KCNQ2: variants seen among roughly 807,000 people sequenced by gnomAD.
KCNQ2 encodes potassium voltage-gated channel subfamily Q member 2, also known as potassium voltage-gated channel subfamily KQT member 2.
In KCNQ2, 14 loss-of-function variants were observed where a neutral mutation model predicts 84.8. The observed-to-expected ratio is 0.17, with a 90% CI of 0.11 to 0.26. The LOEUF is 0.26. KCNQ2 is among the 10% of genes least tolerant of loss of function. The pLI, the probability that KCNQ2 is intolerant of heterozygous loss-of-function variation, is 1.00. For synonymous variants in KCNQ2, 599 were observed against 554.1 expected (o/e 1.08, Z -1.14); for missense variants, 788 against 1,254.0 (o/e 0.63, Z 5.61).
At chr20:63,411,704 G>C in intron 15 of KCNQ2, 2 of 566,842 alleles carry the variant, frequency 3.5e-6, no homozygotes, top group South Asian at 4.5e-5. Flanking sequence ...ACAAGGTGCT[G>C]CCGTCATGTG....
At chr20:63,468,805 C>A (rs1413677073) in intron 1 of KCNQ2, among the ~76,000 whole-genome samples, 1 of 152,230 alleles carries the variant, frequency 6.6e-6, no homozygotes, top group East Asian at 1.9e-4. Context: ...GGCCACTCCA[C>A]GTGGCTGGGC....
At chr20:63,466,223 A>G (rs1036652250) in intron 1 of KCNQ2, among the ~76,000 whole-genome samples, 7 of 151,982 alleles carry the variant, frequency 4.6e-5, no homozygotes, top group Admixed American at 4.6e-4. Flanking sequence ...CCGGTCCCAC[A>G]CGACAAACAG....
intron 1 of KCNQ2, among the ~76,000 whole-genome samples, chr20:63,457,062 C>T (rs1284916293): frequency 1.3e-5 from 2 of 152,362 alleles, no homozygotes; most frequent in East Asian, 3.9e-4. Context: ...GCTCTGTTTC[C>T]AGGACACACG....
chr20:63,417,004 G>A (rs1334408190), intron 12 of KCNQ2, among the ~76,000 whole-genome samples: 5 of 152,192 alleles, frequency 3.3e-5, no homozygotes, highest in African/African-American at 4.8e-5. Context: ...CGGAGTGGCC[G>A]AGATCCCCCG....
Position 63,407,456 on chromosome 20 carries a change from G to C in KCNQ2, c.1888-81C>G. On this transcript the variant is annotated intron_variant, in intron 16 of 16. Transcript: ENST00000359125. This position sits in a 1 kb window ranked among gnomAD's most constrained non-coding sequence, Gnocchi z 7.2. ...ACCCAGGCTGCTCCCAGGAAATGGG[G>C]GGGCCCAGGCTGGTTCCAGGAAACA... 1 of 1,501,694 alleles carries C rather than the reference G, an allele frequency of 6.7e-7. No homozygotes were observed. The highest frequency in any genetic ancestry group is 1.2e-5 in the South Asian group (1 of 85,544). The allele number at this position is 1,501,694 out of a possible 1,614,324, so 93.0% of individuals were successfully genotyped here. A position where few individuals can be genotyped will look rare whatever the true frequency, so the allele number is the denominator to read the frequency against.
chr20:63,431,356 T>C lies in KCNQ2; in HGVS notation c.1132A>G (p.Thr378Ala). ...TVPMYSSQTQ[T>A]YGASRLIPPL... Reference sequence around the variant, plus strand: ...ATTTCCTACCTGGAGGCCCCGTAGGTTTGAGTTTGCGAACTTTCAAGTGTT... The same window carrying C: ...ATTTCCTACCTGGAGGCCCCGTAGGCTTGAGTTTGCGAACTTTCAAGTGTT... The change falls in exon 9 of 17, where the codon ACC (threonine) becomes GCC (alanine). Residue 378 changes from threonine (T) to alanine (A), a missense_variant. Thr to Ala is a moderately conservative substitution (Grantham distance 58, BLOSUM62 0). Coordinates refer to ENST00000359125, the MANE Select transcript of KCNQ2 (RefSeq NM_172107.4). The C allele has an allele frequency of 1.2e-6, 2 of 1,613,672 alleles. No homozygotes were observed.
At chr20:63,464,508 C>T (rs1023411006) in intron 1 of KCNQ2, among the ~76,000 whole-genome samples, 8 of 152,134 alleles carry the variant, frequency 5.3e-5, no homozygotes, top group Admixed American at 2.0e-4. Context: ...ATGCCCCCCA[C>T]GCACAGCAGC....
intron 12 of KCNQ2, among the ~76,000 whole-genome samples, chr20:63,418,321 C>T (rs989383983): frequency 6.6e-6 from 1 of 152,208 alleles, no homozygotes; most frequent in East Asian, 1.9e-4. Flanking sequence ...GCTCAAGAAG[C>T]ACCTGAGAGC....
rs982227238 is a variant in KCNQ2 at position 63,472,537 on chromosome 20, C to T, written c.-74G>A. The T allele has an allele frequency of 1.2e-4, 144 of 1,221,280 alleles. No homozygotes were observed. Among genetic ancestry groups the T allele is most frequent in the Non-Finnish European group, 1.4e-4 (135 of 975,544 alleles). The allele number at this position is 1,221,280 out of a possible 1,614,324, so 75.7% of individuals were successfully genotyped here. A position where few individuals can be genotyped will look rare whatever the true frequency, so the allele number is the denominator to read the frequency against. On this transcript the variant is annotated 5_prime_UTR_variant, in exon 1 of 17. Transcript: ENST00000359125. ...GGAGCGCGGGGGGCGGCGCGGGCCC[C>T]AGCCCAGGCCCCCCGGCCGGGAGCC...
intron 15 of KCNQ2, among the ~76,000 whole-genome samples, chr20:63,411,305 G>A (rs1299444365): frequency 1.3e-5 from 2 of 152,184 alleles, no homozygotes; most frequent in South Asian, 4.1e-4. Flanking sequence ...CCCAGGTCTG[G>A]GCCGTGCACG....
intron 12 of KCNQ2, 111 bp from the exon 13 acceptor site, chr20:63,415,237 G>A (rs1365530255): frequency 3.0e-6 from 3 of 995,740 alleles, no homozygotes; most frequent in Middle Eastern, 2.0e-4. Context: ...GCCGGAGGGA[G>A]ACACAGGTCT....
Position 63,406,982 on chromosome 20 carries a change from C to G in KCNQ2, c.2281G>C (p.Ala761Pro). 1 of 1,528,100 alleles carries G rather than the reference C, an allele frequency of 6.5e-7. No homozygotes were observed. The highest frequency in any genetic ancestry group is 8.8e-7 in the Non-Finnish European group (1 of 1,139,740). The allele number at this position is 1,528,100 out of a possible 1,614,324, so 94.7% of individuals were successfully genotyped here. Residue 761 changes from alanine to proline, a missense_variant, in exon 17 of 17, where the codon GCC (alanine) becomes CCC (proline). Ala to Pro is a conservative substitution (Grantham distance 27). Around this residue, in one of 8 missense-constraint regions of KCNQ2, gnomAD observed 378 missense variants for 434.5 expected, o/e 0.87. Transcript: ENST00000359125. ...SLSAYGGGNR[A>P]SMEFLRQEDT... is the part of the protein sequence containing the mutation. ...TCCTGCCGCAGGAACTCCATGCTGG[C>G]GCGGTTGCCCCCGCCGTAGGCGGAC... is the stretch of plus-strand genomic sequence containing the variant.
At chr20:63,469,317 G>A (rs1568981694) in intron 1 of KCNQ2, among the ~76,000 whole-genome samples, 1 of 152,236 alleles carries the variant, frequency 6.6e-6, no homozygotes, top group Non-Finnish European at 1.5e-5. Flanking sequence ...CAGGTCTGAC[G>A]CCCTTCTAAC....
chr20:63,419,896 C>T (rs993176342), intron 11 of KCNQ2, among the ~76,000 whole-genome samples: 9 of 149,524 alleles, frequency 6.0e-5, no homozygotes, highest in South Asian at 2.1e-4. Flanking sequence ...TTTTTTTTTT[C>T]CTCCAAAAAT....
At chr20:63,440,185 C>T (rs1235474016) in intron 5 of KCNQ2, among the ~76,000 whole-genome samples, 1 of 152,032 alleles carries the variant, frequency 6.6e-6, no homozygotes, top group Non-Finnish European at 1.5e-5. Flanking sequence ...TGGTCTCCAC[C>T]GAGCCATGGC....
intron 9 of KCNQ2, 138 bp downstream of exon 9, chr20:63,431,202 G>A: frequency 9.9e-7 from 1 of 1,007,388 alleles, no homozygotes; most frequent in Non-Finnish European, 1.6e-6. Context: ...GGGGCATAGG[G>A]ATGCTCGGTG....
At position 63,444,592 on chromosome 20, in the gene KCNQ2, GC is replaced by G. The variant is rs3215916; in HGVS notation, c.690+66del. The G allele has an allele frequency of 5.6e-4, 762 of 1,358,862 alleles. 11 individuals are homozygous for G. In the East Asian group the frequency reaches 0.021, roughly 37 times the overall value. The allele number at this position is 1,358,862 out of a possible 1,614,324, so 84.2% of individuals were successfully genotyped here. A position where few individuals can be genotyped will look rare whatever the true frequency, so the allele number is the denominator to read the frequency against. On this transcript the variant is annotated intron_variant, in intron 4 of 16. Transcript: ENST00000359125. ...GAAGCAAACCCCAGGCAGGGGTGGG[GC>G]CCGGTCTGGGCCAGGACTCTCGCTG...
In KCNQ2 at chr20:63,439,619, G is replaced by C; in HGVS notation, c.906C>G (p.Val302=). The change falls in exon 6 of 17, where the codon GTC becomes GTG. Residue 302 remains valine (V), a synonymous_variant. Coordinates refer to ENST00000359125, the MANE Select transcript of KCNQ2 (RefSeq NM_172107.4). ...TTACTGCAGGCAGCGCGAAGAAGGA[G>C]ACACCGATGAGGGTGAAGGTTGCCG... ...LLAATFTLIG[V]SFFALPAGIL... The C allele has an allele frequency of 6.2e-7, 1 of 1,613,520 alleles. No individual in the cohort carries two copies. Among genetic ancestry groups the C allele is most frequent in the Non-Finnish European group, 8.5e-7 (1 of 1,179,854 alleles).
At position 63,407,453 on chromosome 20, in the gene KCNQ2, G is replaced by T. The variant is rs1306870409; in HGVS notation, c.1888-78C>A. On this transcript the variant is annotated intron_variant, in intron 16 of 16. Coordinates refer to ENST00000359125, the MANE Select transcript of KCNQ2 (RefSeq NM_172107.4). This position sits in a 1 kb window ranked among gnomAD's most constrained non-coding sequence, Gnocchi z 7.2. ...GGGACCCAGGCTGCTCCCAGGAAATGGGGGGGCCCAGGCTGGTTCCAGGAA... is the reference window on the plus strand; with the variant it reads ...GGGACCCAGGCTGCTCCCAGGAAATTGGGGGGCCCAGGCTGGTTCCAGGAA... The T allele has an allele frequency of 2.0e-6, 3 of 1,503,658 alleles. No individual in the cohort carries two copies. Among genetic ancestry groups the T allele is most frequent in the Non-Finnish European group, 1.8e-6 (2 of 1,106,690 alleles). 93.1% of individuals were successfully genotyped at this position (1,503,658 alleles called of 1,614,324 possible).
Sources: gnomAD v4.1 joint callset for allele counts (sites outside exome capture counted in the v4.1 genomes callset) on GRCh38, gnomAD v4.1.1 for gene constraint, gnomAD v4.1.1 regional missense constraint, Gnocchi (gnomAD v3.1) non-coding constraint, MANE v1.5 for transcripts, NCBI Gene and HGNC (gene_info 2026-07-23, HGNC 2026-07-21) for gene names.